Variants in AGMO observed in about 807,000 individuals in gnomAD.
AGMO encodes alkylglycerol monooxygenase, also known as glyceryl-ether monooxygenase.
Under a neutral mutation model 60.2 loss-of-function variants are expected in AGMO, and 75 were observed. That is an observed-to-expected ratio of 1.25 (90% CI 1.03 to 1.51). The LOEUF (loss-of-function observed/expected upper bound fraction) is 1.51. Ranked by LOEUF, AGMO falls within the 40% of genes most tolerant of loss-of-function variation. The pLI is 0.00. For synonymous variants in AGMO, 261 were observed against 177.1 expected, an observed-to-expected ratio of 1.47 and a Z score of -3.76; for missense variants, 763 against 525.5, an observed-to-expected ratio of 1.45 and a Z score of -4.42.
the AGMO span, among the ~76,000 whole-genome samples, chr7:15,139,086 A>G: frequency 3.5e-3 from 538 of 152,142 alleles, 5 homozygotes; most frequent in African/African-American, 0.012. Flanking sequence ...CCAATTAACC[A>G]CTTTCTGGAA....
intron 12 of AGMO, among the ~76,000 whole-genome samples, chr7:15,213,561 T>G (rs1239440785): frequency 6.6e-6 from 1 of 151,810 alleles, no homozygotes; most frequent in Non-Finnish European, 1.5e-5. Flanking sequence ...AATTGAACAG[T>G]AAAAAAACCC....
intron 12 of AGMO, among the ~76,000 whole-genome samples, chr7:15,266,426 C>T (rs989982772): frequency 1.3e-5 from 2 of 152,002 alleles, no homozygotes; most frequent in African/African-American, 4.8e-5. Flanking sequence ...TTAACAACTT[C>T]AAAGGGCTCA....
At chr7:15,232,129 C>T (rs1323681490) in intron 12 of AGMO, among the ~76,000 whole-genome samples, 1 of 152,074 alleles carries the variant, frequency 6.6e-6, no homozygotes, top group South Asian at 2.1e-4. Context: ...TTCTCGTTTC[C>T]TCAACTATTA....
Position 15,297,787 on chromosome 7 carries a change from G to T in AGMO, c.1263+67727C>A, listed in dbSNP as rs575844104. Among the ~76,000 whole-genome samples the T allele has an allele frequency of 1.4e-4, 21 of 152,242 alleles. 1 individual carries two copies. In the South Asian group the frequency reaches 2.7e-3, roughly 20 times the overall value. ...GTCATATATGGAAAGAGAATTATATGCATTTAATGAGTTGACTGGAAAGTA... is the reference window on the plus strand; with the variant it reads ...GTCATATATGGAAAGAGAATTATATTCATTTAATGAGTTGACTGGAAAGTA... On this transcript the variant is annotated intron_variant, in intron 12 of 12. Transcript: ENST00000342526.
chr7:15,161,175 A>G, the AGMO span, among the ~76,000 whole-genome samples: 1 of 152,168 alleles, frequency 6.6e-6, no homozygotes, highest in African/African-American at 2.4e-5. Flanking sequence ...ATTCCAACAA[A>G]TGCTTTTGAG....
chr7:15,164,504 A>T, the AGMO span, among the ~76,000 whole-genome samples: 1 of 152,054 alleles, frequency 6.6e-6, no homozygotes, highest in Non-Finnish European at 1.5e-5. Flanking sequence ...TCATATTCAG[A>T]ATCTATAAAT....
At chr7:15,125,152 T>C in the AGMO span, among the ~76,000 whole-genome samples, 2 of 152,158 alleles carry the variant, frequency 1.3e-5, no homozygotes, top group African/African-American at 4.8e-5. Flanking sequence ...AGCTCTTGTC[T>C]GTTTTATAAC....
At chr7:15,197,750 T>C (rs1323299663), downstream of AGMO, among the ~76,000 whole-genome samples, 1 of 152,196 alleles carries the variant, frequency 6.6e-6, no homozygotes, top group African/African-American at 2.4e-5. Flanking sequence ...ATACTTATCC[T>C]GAGAACTTTT....
chr7:15,279,401 C>G (rs527423203), intron 12 of AGMO, among the ~76,000 whole-genome samples: 1 of 152,294 alleles, frequency 6.6e-6, no homozygotes, highest in African/African-American at 2.4e-5. Flanking sequence ...ATTTTGATTC[C>G]TCTCCATGAC....
chr7:15,251,243 C>T (rs1022632084), intron 12 of AGMO, among the ~76,000 whole-genome samples: 12 of 151,968 alleles, frequency 7.9e-5, no homozygotes, highest in African/African-American at 2.7e-4. Context: ...TACACATGAC[C>T]AATATGAGCC....
At chr7:15,449,927 T>C (rs963718920) in intron 3 of AGMO, among the ~76,000 whole-genome samples, 3 of 152,204 alleles carry the variant, frequency 2.0e-5, no homozygotes, top group Non-Finnish European at 4.4e-5. Flanking sequence ...AGGTACCACT[T>C]AAATCACATT....
Position 15,347,270 on chromosome 7 carries a change from G to A in AGMO, c.1263+18244C>T, listed in dbSNP as rs139297073. ...TCTATTTCCTGGCTCTTCACTAACC[G>A]TGTAACTGGCCAACAAACTTAACCT... On this transcript the variant is annotated intron_variant, in intron 12 of 12. Transcript: ENST00000342526. 5.1e-3 allele frequency among the ~76,000 whole-genome samples: 775 copies of A among 151,990 alleles called. 1 individual carries two copies. Among genetic ancestry groups the A allele is most frequent in the Non-Finnish European group, 8.9e-3 (604 of 67,914 alleles).
At chr7:15,240,818 T>C (rs967268440) in intron 12 of AGMO, among the ~76,000 whole-genome samples, 3 of 152,032 alleles carry the variant, frequency 2.0e-5, no homozygotes, top group East Asian at 1.9e-4. Flanking sequence ...CTTCAAGACA[T>C]TGTTTTAGAA....
At chr7:15,412,684 TAAA>T (rs765917941) in intron 5 of AGMO, among the ~76,000 whole-genome samples, 9 of 111,358 alleles carry the variant, frequency 8.1e-5, no homozygotes, top group Non-Finnish European at 1.3e-4. Flanking sequence ...TTTCATTATT[TAAA>T]AAAAAAAAAA....
Position 15,491,184 on chromosome 7 carries a change from A to G in AGMO, c.409+53588T>C, listed in dbSNP as rs1334367394. Reference sequence around the variant, plus strand: ...AGGCCCTGGAAAATACAGAAATGACAGCGGAAAGACCCTTGTCCAGTAAGA... The same window carrying G: ...AGGCCCTGGAAAATACAGAAATGACGGCGGAAAGACCCTTGTCCAGTAAGA... On this transcript the variant is annotated intron_variant, in intron 3 of 12. Transcript: ENST00000342526. Among the ~76,000 whole-genome samples the G allele has an allele frequency of 5.3e-5, 8 of 152,320 alleles. 1 individual carries two copies. The South Asian group carries it at 1.2e-3, about 24-fold the overall frequency.
chr7:15,268,515 A>C (rs1783500688), intron 12 of AGMO, among the ~76,000 whole-genome samples: 1 of 152,000 alleles, frequency 6.6e-6, no homozygotes, highest in Non-Finnish European at 1.5e-5. Context: ...TTTATTGTTT[A>C]GTTGTGAAGG....
chr7:15,382,153 C>A (rs915828190), intron 10 of AGMO, among the ~76,000 whole-genome samples: 3 of 152,044 alleles, frequency 2.0e-5, no homozygotes, highest in Non-Finnish European at 2.9e-5. Flanking sequence ...TGCACATGTA[C>A]CCCCGAACTT....
chr7:15,524,426 C>T (rs893540876), intron 3 of AGMO, among the ~76,000 whole-genome samples: 1 of 151,948 alleles, frequency 6.6e-6, no homozygotes, highest in African/African-American at 2.4e-5. Context: ...TAAGACATAC[C>T]TATGTGCTAA....
At chr7:15,488,152 A>G (rs1320783998) in intron 3 of AGMO, among the ~76,000 whole-genome samples, 6 of 152,222 alleles carry the variant, frequency 3.9e-5, no homozygotes, top group Admixed American at 3.3e-4. Context: ...ATTTTGCCCA[A>G]GTTCTTAAGT....
Sources: gnomAD v4.1 joint callset for allele counts (sites outside exome capture counted in the v4.1 genomes callset) on GRCh38, gnomAD v4.1.1 for gene constraint, MANE v1.5 for transcripts, NCBI Gene and HGNC (gene_info 2026-07-23, HGNC 2026-07-21) for gene names.